FDFT1: variants seen among roughly 807,000 people sequenced by gnomAD.
FDFT1 encodes the protein squalene synthase.
In FDFT1, 68 loss-of-function variants were observed where a neutral mutation model predicts 46.8. The observed-to-expected ratio is 1.45, with a 90% CI of 1.19 to 1.78. The LOEUF (loss-of-function observed/expected upper bound fraction) is 1.78, where lower values mean the gene tolerates loss of function less well. Ranked by LOEUF, FDFT1 falls within the 40% of genes most tolerant of loss-of-function variation. The probability of loss-of-function intolerance (pLI) is 0.00; values close to 1 mark genes in which losing one functional copy is unlikely to be tolerated. For synonymous variants in FDFT1, 351 were observed against 185.1 expected (o/e 1.90, Z -7.28); for missense variants, 928 against 524.4 (o/e 1.77, Z -7.52).
intron 7 of FDFT1, among the ~76,000 whole-genome samples, chr8:11,837,500 G>T (rs1268245484): frequency 6.6e-6 from 1 of 152,188 alleles, no homozygotes; most frequent in African/African-American, 2.4e-5. Context: ...CTGAAGTGCT[G>T]GGATTCCAAA....
intron 4 of FDFT1, among the ~76,000 whole-genome samples, chr8:11,824,315 G>T (rs376486041): frequency 6.6e-6 from 1 of 151,754 alleles, no homozygotes. Flanking sequence ...AATTGCTGTC[G>T]CGGAAAAAAA....
intron 7 of FDFT1, among the ~76,000 whole-genome samples, chr8:11,834,370 C>T (rs757602638): frequency 6.6e-6 from 1 of 152,218 alleles, no homozygotes; most frequent in African/African-American, 2.4e-5. Flanking sequence ...AAATGCTCAG[C>T]CAAACGGCCA....
chr8:11,831,459 G>C lies in FDFT1; in HGVS notation c.880-59G>C, dbSNP rs989140450. On this transcript the variant is annotated intron_variant, in intron 6 of 7. Transcript: ENST00000220584. ...ACAGAAGGTTTTCTTACCTTTTTGT[G>C]ATAATGATAGCTAACGACATCATTT... 21 of 1,493,950 alleles carry C rather than the reference G, an allele frequency of 1.4e-5. No homozygotes were observed. The South Asian group carries it at 2.0e-4, about 14-fold the overall frequency. 92.5% of individuals were successfully genotyped at this position (1,493,950 alleles called of 1,614,324 possible). A position where few individuals can be genotyped will look rare whatever the true frequency, so the allele number is the denominator to read the frequency against.
At chr8:11,800,644 C>A (rs1399357929), upstream of FDFT1, among the ~76,000 whole-genome samples, 1 of 152,146 alleles carries the variant, frequency 6.6e-6, no homozygotes, top group Non-Finnish European at 1.5e-5. Context: ...TATAAGCATG[C>A]CAGGGCAAAT....
chr8:11,835,017 C>T (rs1333697738), intron 7 of FDFT1, among the ~76,000 whole-genome samples: 7 of 152,056 alleles, frequency 4.6e-5, no homozygotes, highest in African/African-American at 7.2e-5. Flanking sequence ...CCAGCTATTC[C>T]GGAGCCTGAG....
rs1168699367 is a variant in FDFT1 at position 11,802,918 on chromosome 8, C to T, written c.86C>T (p.Pro29Leu). The change falls in exon 1 of 8, where the codon CCC becomes CTC. Residue 29 changes from proline (P) to leucine (L), a missense_variant. Physicochemically the swap from Pro to Leu is moderately conservative, Grantham distance 98. Transcript: ENST00000220584. ...FRIGGKRKVM[P>L]KMDQDSLSSS... Reference sequence around the variant, plus strand: ...ATCGGGGGCAAGCGGAAGGTGATGCCCAAGATGGACCAGGTGGGCCGAGCC... The same window carrying T: ...ATCGGGGGCAAGCGGAAGGTGATGCTCAAGATGGACCAGGTGGGCCGAGCC... 41 of 1,608,588 alleles carry T rather than the reference C, an allele frequency of 2.5e-5. No individual in the cohort carries two copies. The highest frequency in any genetic ancestry group is 3.3e-5 in the Non-Finnish European group (39 of 1,177,582).
At chr8:11,800,556 G>A (rs1382677955), upstream of FDFT1, among the ~76,000 whole-genome samples, 1 of 152,192 alleles carries the variant, frequency 6.6e-6, no homozygotes, top group Non-Finnish European at 1.5e-5. Flanking sequence ...GAAGTAACTT[G>A]TGGAATGGTG....
chr8:11,830,226 A>G lies in FDFT1; in HGVS notation c.703-18A>G, dbSNP rs754736055. On this transcript the variant is annotated intron_variant, in intron 5 of 7. Coordinates refer to ENST00000220584, the MANE Select transcript of FDFT1 (RefSeq NM_004462.5). ...TATGCACACGCTGACCTGTTCCTTA[A>G]TCTTCTTATCTGTCTAGGTTTGGAG... The G allele has an allele frequency of 9.3e-6, 15 of 1,605,504 alleles. No homozygotes were observed. Among genetic ancestry groups the G allele is most frequent in the Admixed American group, 8.3e-5 (5 of 59,992 alleles).
chr8:11,826,956 C>T (rs1810078915), intron 5 of FDFT1, among the ~76,000 whole-genome samples: 2 of 152,134 alleles, frequency 1.3e-5, no homozygotes, highest in South Asian at 2.1e-4. Context: ...AATTCTGCAG[C>T]AGGAAGGGGA....
upstream of FDFT1, among the ~76,000 whole-genome samples, chr8:11,797,715 A>G (rs1241796288): frequency 6.6e-6 from 1 of 152,074 alleles, no homozygotes; most frequent in Non-Finnish European, 1.5e-5. Flanking sequence ...GAGGCCAGGA[A>G]ACACCAGAAA....
chr8:11,821,655 G>A (rs181015772), intron 3 of FDFT1, 95 bp from the exon 4 acceptor site: 1 of 1,423,512 alleles, frequency 7.0e-7, no homozygotes, highest in Non-Finnish European at 9.8e-7. Context: ...AACCATTGCA[G>A]TCATGATTAA....
Position 11,838,743 on chromosome 8 carries a change from T to G in FDFT1, c.*134T>G, listed in dbSNP as rs1804474. The stretch of plus-strand genomic sequence containing the variant: ...AAGAACGCTGTGTGGCTGGGACCTT[T>G]AGGAAAGTGAAATGCAGGTGAGAAG... On this transcript the variant is annotated 3_prime_UTR_variant, in exon 8 of 8. Transcript: ENST00000220584. 1 of 741,334 alleles carries G rather than the reference T, an allele frequency of 1.3e-6. No homozygotes were observed. 45.9% of individuals were successfully genotyped at this position (741,334 alleles called of 1,614,324 possible). A position where few individuals can be genotyped will look rare whatever the true frequency, so the allele number is the denominator to read the frequency against.
At chr8:11,835,048 C>T (rs913744771) in intron 7 of FDFT1, among the ~76,000 whole-genome samples, 4 of 152,170 alleles carry the variant, frequency 2.6e-5, no homozygotes, top group African/African-American at 4.8e-5. Context: ...CGCTTGAACT[C>T]GGGAGGTGGA....
chr8:11,801,699 T>G (rs1300635677), upstream of FDFT1: 539 of 292,246 alleles, frequency 1.8e-3, 1 homozygote, highest in Non-Finnish European at 2.9e-3. Context: ...CAGTAGGTTT[T>G]TTTTTTTTTT....
intron 3 of FDFT1, among the ~76,000 whole-genome samples, chr8:11,814,085 T>C (rs1314481843): frequency 3.3e-5 from 5 of 152,248 alleles, no homozygotes; most frequent in African/African-American, 4.8e-5. Flanking sequence ...CCCACCCTCA[T>C]TGACCTTTCC....
In FDFT1 at chr8:11,820,563, G is replaced by A. The variant is rs560194492; in HGVS notation, c.382-1187G>A. 9.2e-5 allele frequency among the ~76,000 whole-genome samples: 14 copies of A among 152,326 alleles called. No individual in the cohort carries two copies. The South Asian group carries it at 2.9e-3, about 32-fold the overall frequency. On this transcript the variant is annotated intron_variant, in intron 3 of 7. Coordinates refer to ENST00000220584, the MANE Select transcript of FDFT1 (RefSeq NM_004462.5). ...TGTGAGCATAGAAGTGCGTACTGAAGCCTCAGCAATGGCGGGGAGGCGCTT... is the reference window on the plus strand; with the variant it reads ...TGTGAGCATAGAAGTGCGTACTGAAACCTCAGCAATGGCGGGGAGGCGCTT...
Position 11,819,631 on chromosome 8 carries a change from C to T in FDFT1, c.382-2119C>T, listed in dbSNP as rs573066835. Reference sequence around the variant, plus strand: ...ACTGATATCCTTTCTTCTGCTTGATCGAATCGGCTATTGAAGCTTGTTTAT... The same window carrying T: ...ACTGATATCCTTTCTTCTGCTTGATTGAATCGGCTATTGAAGCTTGTTTAT... On this transcript the variant is annotated intron_variant, in intron 3 of 7. Coordinates refer to ENST00000220584, the MANE Select transcript of FDFT1 (RefSeq NM_004462.5). Among the ~76,000 whole-genome samples the T allele has an allele frequency of 8.8e-4, 133 of 151,936 alleles. 1 individual carries two copies. The highest frequency in any genetic ancestry group is 2.7e-3 in the African/African-American group (111 of 41,442).
chr8:11,828,659 C>T (rs565911279), intron 5 of FDFT1, among the ~76,000 whole-genome samples: 1 of 152,244 alleles, frequency 6.6e-6, no homozygotes, highest in Non-Finnish European at 1.5e-5. Flanking sequence ...TGTAAAATAG[C>T]ATCATTTCTA....
At chr8:11,798,359 C>G (rs1438128706), upstream of FDFT1, among the ~76,000 whole-genome samples, 1 of 152,138 alleles carries the variant, frequency 6.6e-6, no homozygotes, top group Non-Finnish European at 1.5e-5. Context: ...TGCACCCAGC[C>G]CAGTGTGTGT....
Sources: gnomAD v4.1 joint callset for allele counts (sites outside exome capture counted in the v4.1 genomes callset) on GRCh38, gnomAD v4.1.1 for gene constraint, MANE v1.5 for transcripts, NCBI Gene and HGNC (gene_info 2026-07-23, HGNC 2026-07-21) for gene names.